Variants in RNF169 observed in about 807,000 individuals in gnomAD.
The protein encoded by RNF169 is E3 ubiquitin-protein ligase RNF169.
RNF169 carries 24 observed loss-of-function variants against 53.9 expected under a neutral mutation model. That is an observed-to-expected ratio of 0.45 (90% CI 0.32 to 0.63). The LOEUF (loss-of-function observed/expected upper bound fraction) is 0.63, where lower values mean the gene tolerates loss of function less well. Among genes scored for constraint, RNF169 ranks in the 20% least tolerant of loss-of-function variants. RNF169 has a pLI of 0.04. For synonymous variants in RNF169, 396 were observed against 363.5 expected (o/e 1.09, Z -1.02); for missense variants, 883 against 906.2 (o/e 0.97, Z 0.33).
chr11:74,812,263 C>CT (rs2035885348), intron 3 of RNF169, among the ~76,000 whole-genome samples: 1 of 151,710 alleles, frequency 6.6e-6, no homozygotes, highest in African/African-American at 2.4e-5. Context: ...TGATTTTTGC[C>CT]TTTTTTTCTG....
chr11:74,764,791 A>G (rs929298125), intron 1 of RNF169, among the ~76,000 whole-genome samples: 1 of 152,226 alleles, frequency 6.6e-6, no homozygotes, highest in Non-Finnish European at 1.5e-5. Context: ...CTAGGCAAAG[A>G]TAAAATGTAA....
chr11:74,749,389 C>A lies in RNF169; in HGVS notation c.502+7C>A. ...GCCGCGCCTGCGGAGCCAGGTGGAG[C>A]TTCCCCACTTCCCCTTAGGGTCTGG... On this transcript the variant is annotated splice_region_variant and intron_variant, in intron 1 of 5. Transcript: ENST00000299563. 1 of 1,247,330 alleles carries A rather than the reference C, an allele frequency of 8.0e-7. No homozygotes were observed. Among genetic ancestry groups the A allele is most frequent in the Admixed American group, 3.4e-5 (1 of 29,838 alleles). 77.3% of individuals were successfully genotyped at this position (1,247,330 alleles called of 1,614,324 possible). A position where few individuals can be genotyped will look rare whatever the true frequency, so the allele number is the denominator to read the frequency against.
intron 1 of RNF169, among the ~76,000 whole-genome samples, chr11:74,752,469 C>T (rs147580886): frequency 0.023 from 3,479 of 151,714 alleles, 118 homozygotes; most frequent in African/African-American, 0.079. Context: ...CGGTGGCACA[C>T]GCCTGTAGTT....
At chr11:74,791,107 G>A (rs922837580) in intron 2 of RNF169, among the ~76,000 whole-genome samples, 1 of 152,194 alleles carries the variant, frequency 6.6e-6, no homozygotes, top group Non-Finnish European at 1.5e-5. Flanking sequence ...GACTGAAGTG[G>A]GTAGCTGCTT....
chr11:74,752,250 AAAGG>A (rs1565167478), intron 1 of RNF169, among the ~76,000 whole-genome samples: 3 of 150,176 alleles, frequency 2.0e-5, no homozygotes, highest in African/African-American at 7.4e-5. Context: ...AAAAAAAAAA[AAAGG>A]GAAAAAAAAG....
At chr11:74,806,503 A>G (rs2135112094) in intron 2 of RNF169, among the ~76,000 whole-genome samples, 1 of 152,334 alleles carries the variant, frequency 6.6e-6, no homozygotes, top group African/African-American at 2.4e-5. Context: ...ATATTCCGTA[A>G]TATTTTTGGC....
At chr11:74,832,232 G>A (rs1216766353) in intron 4 of RNF169, 1 of 152,088 alleles carries the variant, frequency 6.6e-6, no homozygotes, top group Admixed American at 6.5e-5. Context: ...ATGAATAGGA[G>A]AGATAATGAC....
At chr11:74,806,955 T>G (rs1230031050) in intron 2 of RNF169, among the ~76,000 whole-genome samples, 4 of 152,130 alleles carry the variant, frequency 2.6e-5, no homozygotes, top group Non-Finnish European at 5.9e-5. Context: ...TTTTAGAAAT[T>G]AATAAGGGAA....
chr11:74,785,195 A>ATGATATATATATGAT (rs2035474858), intron 1 of RNF169, among the ~76,000 whole-genome samples: 1 of 119,438 alleles, frequency 8.4e-6, no homozygotes, highest in South Asian at 2.3e-4. Context: ...TGATATATAT[A>ATGATATATATATGAT]TGATATATAT....
At chr11:74,822,202 C>G (rs1565185855) in intron 4 of RNF169, among the ~76,000 whole-genome samples, 1 of 151,900 alleles carries the variant, frequency 6.6e-6, no homozygotes, top group Non-Finnish European at 1.5e-5. Context: ...ATGTAAGAGA[C>G]AGAGAGAGTA....
rs2036308239 is a variant in RNF169 at position 74,839,342 on chromosome 11, G to A, written c.*2612G>A. 1 of 152,206 alleles carries A rather than the reference G, an allele frequency of 6.6e-6. No individual in the cohort carries two copies. The allele number at this position is 152,206 out of a possible 1,614,324, so 9.4% of individuals were successfully genotyped here. A position where few individuals can be genotyped will look rare whatever the true frequency, so the allele number is the denominator to read the frequency against. ...CACTAAGGTATTATCTGAATTTTAA[G>A]ATGCTTCCCATCCTTAATAACTAAA... On this transcript the variant is annotated 3_prime_UTR_variant, in exon 6 of 6. Transcript: ENST00000299563.
At chr11:74,779,405 A>G (rs1023480313) in intron 1 of RNF169, among the ~76,000 whole-genome samples, 2 of 152,176 alleles carry the variant, frequency 1.3e-5, no homozygotes, top group South Asian at 4.1e-4. Flanking sequence ...GCTCAGTTCA[A>G]CTTTCTTTCT....
chr11:74,827,442 G>T (rs553742843), intron 4 of RNF169, among the ~76,000 whole-genome samples: 4 of 152,212 alleles, frequency 2.6e-5, no homozygotes, highest in Non-Finnish European at 5.9e-5. Flanking sequence ...CATTGTCTTG[G>T]CAATTAACAT....
At chr11:74,768,816 G>A (rs547699281) in intron 1 of RNF169, among the ~76,000 whole-genome samples, 2 of 152,230 alleles carry the variant, frequency 1.3e-5, no homozygotes, top group African/African-American at 2.4e-5. Flanking sequence ...AGGTTGAGGT[G>A]AGAGGATTGC....
intron 4 of RNF169, among the ~76,000 whole-genome samples, chr11:74,826,986 G>A (rs2036107769): frequency 6.6e-6 from 1 of 152,192 alleles, no homozygotes; most frequent in South Asian, 2.1e-4. Flanking sequence ...CTGGGGTCTG[G>A]AGGAAGGTAG....
intron 1 of RNF169, among the ~76,000 whole-genome samples, chr11:74,767,364 T>TA (rs897682159): frequency 4.6e-5 from 7 of 151,856 alleles, no homozygotes; most frequent in African/African-American, 9.7e-5. Context: ...ATTTATTATT[T>TA]AAAAAAAACT....
At chr11:74,797,056 G>C (rs2035659496) in intron 2 of RNF169, among the ~76,000 whole-genome samples, 1 of 151,448 alleles carries the variant, frequency 6.6e-6, no homozygotes, top group South Asian at 2.1e-4. Flanking sequence ...TCCCCATTGT[G>C]GGCTGAATTA....
intron 1 of RNF169, among the ~76,000 whole-genome samples, chr11:74,753,289 A>G (rs1177310152): frequency 6.6e-6 from 1 of 152,158 alleles, no homozygotes; most frequent in Non-Finnish European, 1.5e-5. Context: ...GTTTTAATCT[A>G]TGTCTCTCAT....
chr11:74,804,281 C>G (rs2035774348), intron 2 of RNF169, among the ~76,000 whole-genome samples: 1 of 152,140 alleles, frequency 6.6e-6, no homozygotes, highest in African/African-American at 2.4e-5. Flanking sequence ...AGGATAGGCT[C>G]TGGTCACCTG....
Sources: allele counts gnomAD v4.1 joint callset (sites outside exome capture counted in the v4.1 genomes callset), GRCh38; gene constraint gnomAD v4.1.1; transcripts MANE v1.5; gene names NCBI Gene and HGNC (gene_info 2026-07-23, HGNC 2026-07-21).